VTA1: variants seen among roughly 807,000 people sequenced by gnomAD.
VTA1 encodes vacuolar protein sorting-associated protein VTA1 homolog.
Under a neutral mutation model 36.9 loss-of-function variants are expected in VTA1, and 24 were observed. That is an observed-to-expected ratio of 0.65 (90% CI 0.47 to 0.91). The LOEUF is 0.91. Among genes scored for constraint, VTA1 ranks in the 40% least tolerant of loss-of-function variants. The probability of loss-of-function intolerance (pLI) is 0.00; values close to 1 mark genes in which losing one functional copy is unlikely to be tolerated. For synonymous variants in VTA1, 142 were observed against 130.2 expected, an observed-to-expected ratio of 1.09 and a Z score of -0.62; for missense variants, 393 against 377.2, an observed-to-expected ratio of 1.04 and a Z score of -0.35.
At chr6:142,201,665 T>A (rs1775687965) in intron 6 of VTA1, among the ~76,000 whole-genome samples, 1 of 152,016 alleles carries the variant, frequency 6.6e-6, no homozygotes, top group Non-Finnish European at 1.5e-5. Flanking sequence ...ACTTCATAGA[T>A]CAAAATGTAG....
chr6:142,208,537 C>T (rs1467826791), intron 7 of VTA1, among the ~76,000 whole-genome samples: 2 of 152,194 alleles, frequency 1.3e-5, no homozygotes, highest in African/African-American at 2.4e-5. Flanking sequence ...CAGAAAACTT[C>T]CCAAAACTTG....
chr6:142,183,545 C>T (rs1371276034), intron 4 of VTA1, among the ~76,000 whole-genome samples: 2 of 152,128 alleles, frequency 1.3e-5, no homozygotes, highest in Admixed American at 6.6e-5. Context: ...CAGTGATTCT[C>T]ATCAATCTAA....
chr6:142,197,323 C>T (rs1775571161), intron 5 of VTA1, among the ~76,000 whole-genome samples: 1 of 152,038 alleles, frequency 6.6e-6, no homozygotes, highest in Non-Finnish European at 1.5e-5. Flanking sequence ...ATTGAATAAC[C>T]TGTTTATAAT....
At chr6:142,153,273 C>T (rs1778601784) in intron 1 of VTA1, among the ~76,000 whole-genome samples, 1 of 151,798 alleles carries the variant, frequency 6.6e-6, no homozygotes, top group South Asian at 2.1e-4. Context: ...AATATAGTAT[C>T]TAAGACATGT....
intron 4 of VTA1, among the ~76,000 whole-genome samples, chr6:142,180,227 A>T (rs148810506): frequency 1.3e-5 from 2 of 152,326 alleles, no homozygotes; most frequent in Non-Finnish European, 2.9e-5. Flanking sequence ...CAGGAAGGCT[A>T]CAGATAAGGC....
chr6:142,191,960 C>G (rs1446854034), intron 5 of VTA1, among the ~76,000 whole-genome samples: 2 of 151,932 alleles, frequency 1.3e-5, no homozygotes, highest in East Asian at 1.9e-4. Context: ...GTCTATTGTT[C>G]TGGCATTGAA....
intron 4 of VTA1, among the ~76,000 whole-genome samples, chr6:142,181,094 A>AAAAATATATATATATATATATATATAT (rs1471429927): frequency 1.1e-4 from 4 of 36,430 alleles, no homozygotes; most frequent in Non-Finnish European, 1.2e-4. Flanking sequence ...AAAAAAAAAA[A>AAAAATATATATATATATATATATATAT]ATATATATAT....
intron 1 of VTA1, among the ~76,000 whole-genome samples, chr6:142,151,596 A>G (rs550794112): frequency 1.0e-3 from 159 of 152,338 alleles, no homozygotes; most frequent in African/African-American, 3.5e-3. Flanking sequence ...TCTCTGAAAA[A>G]GTAACTCTTA....
At chr6:142,147,960 A>G (rs1049161734) in intron 1 of VTA1, among the ~76,000 whole-genome samples, 8 of 152,130 alleles carry the variant, frequency 5.3e-5, no homozygotes, top group Non-Finnish European at 1.0e-4. Context: ...TTTAGTTTTG[A>G]CTTCTTTGAA....
rs891336160 is a variant in VTA1, at chr6:142,193,280, A to C, written c.520+3746A>C. Among the ~76,000 whole-genome samples, 3 of 152,110 alleles carry C rather than the reference A, an allele frequency of 2.0e-5. No individual in the cohort carries two copies. The South Asian group carries it at 6.2e-4, about 31-fold the overall frequency. ...TTGTGTCCTCCCTGCCTTACATTAG[A>C]AGTATATGATTTTGGTGAAATATTG... On this transcript the variant is annotated intron_variant, in intron 5 of 7. Coordinates refer to ENST00000367630, the MANE Select transcript of VTA1 (RefSeq NM_016485.5).
rs1775616577 is a variant in VTA1 at position 142,198,609 on chromosome 6, A to G, written c.691A>G (p.Ser231Gly). The G allele has an allele frequency of 6.2e-7, 1 of 1,609,378 alleles. No individual in the cohort carries two copies. Among genetic ancestry groups the G allele is most frequent in the Non-Finnish European group, 8.5e-7 (1 of 1,177,308 alleles). ...PANTPAEVPH[S>G]TGVASNTIQP... ...TAATACACCAGCAGAAGTGCCTCACAGCACAGGTGGGAAACTGTAACTGAA... is the reference window on the plus strand; with the variant it reads ...TAATACACCAGCAGAAGTGCCTCACGGCACAGGTGGGAAACTGTAACTGAA... The change falls in exon 6 of 8, where the codon AGC becomes GGC. Residue 231 changes from serine (S) to glycine (G), a missense_variant. Coordinates refer to ENST00000367630, the MANE Select transcript of VTA1 (RefSeq NM_016485.5).
intron 5 of VTA1, among the ~76,000 whole-genome samples, chr6:142,197,086 T>A (rs1775565987): frequency 6.6e-6 from 1 of 152,184 alleles, no homozygotes; most frequent in African/African-American, 2.4e-5. Flanking sequence ...CTGGTAAGAT[T>A]TCCTCTTACC....
intron 1 of VTA1, among the ~76,000 whole-genome samples, chr6:142,148,541 T>C (rs1778504654): frequency 6.6e-6 from 1 of 152,216 alleles, no homozygotes; most frequent in Non-Finnish European, 1.5e-5. Flanking sequence ...ATGTGTTCAT[T>C]GAGCTACCTT....
chr6:142,216,934 A>C (rs1248530498), intron 7 of VTA1, among the ~76,000 whole-genome samples: 1 of 152,204 alleles, frequency 6.6e-6, no homozygotes, highest in Non-Finnish European at 1.5e-5. Flanking sequence ...GGTAAACTCA[A>C]TTTTCAAAGA....
intron 1 of VTA1, among the ~76,000 whole-genome samples, chr6:142,156,857 G>T (rs1778672432): frequency 6.6e-6 from 1 of 152,174 alleles, no homozygotes; most frequent in Admixed American, 6.5e-5. Context: ...TTTCTTTATT[G>T]ATAGATGGTA....
chr6:142,208,917 T>C (rs1469249717), intron 7 of VTA1, among the ~76,000 whole-genome samples: 1 of 152,158 alleles, frequency 6.6e-6, no homozygotes, highest in Non-Finnish European at 1.5e-5. Flanking sequence ...AAAACACTAA[T>C]GTGCAGAAGA....
At chr6:142,151,111 C>T (rs553707035) in intron 1 of VTA1, among the ~76,000 whole-genome samples, 4 of 152,046 alleles carry the variant, frequency 2.6e-5, no homozygotes, top group Admixed American at 6.5e-5. Context: ...AGTTATTCTG[C>T]GATATTAGCA....
chr6:142,198,119 ATGTGTGTGTGTGTGTGTGTG>A (rs71021658), intron 5 of VTA1, among the ~76,000 whole-genome samples: 2 of 98,252 alleles, frequency 2.0e-5, no homozygotes, highest in East Asian at 2.6e-4. Context: ...ATATATATAT[ATGTGTGTGTGTGTGTGTGTG>A]TGTGTGTGTG....
intron 4 of VTA1, among the ~76,000 whole-genome samples, chr6:142,179,790 A>G (rs554680342): frequency 6.6e-6 from 1 of 152,316 alleles, no homozygotes; most frequent in South Asian, 2.1e-4. Context: ...CAGAAGTTGA[A>G]TGTTGAACTA....
Sources: gnomAD v4.1 joint callset for allele counts (sites outside exome capture counted in the v4.1 genomes callset) on GRCh38, gnomAD v4.1.1 for gene constraint, MANE v1.5 for transcripts, NCBI Gene and HGNC (gene_info 2026-07-23, HGNC 2026-07-21) for gene names.